Variants in INSYN2A observed in about 807,000 individuals in gnomAD.
INSYN2A encodes the protein inhibitory synaptic factor 2A.
A neutral mutation model predicts 39.4 loss-of-function variants in INSYN2A; 17 were observed. The ratio of observed to expected loss-of-function variants is 0.43; its 90% CI spans 0.30 to 0.65. The LOEUF (loss-of-function observed/expected upper bound fraction) is 0.65. Among genes scored for constraint, INSYN2A ranks in the 30% least tolerant of loss-of-function variants. The probability of loss-of-function intolerance (pLI) is 0.14; values close to 1 mark genes in which losing one functional copy is unlikely to be tolerated. For missense variants in INSYN2A, 595 were observed against 631.2 expected (o/e 0.94, Z 0.61); for synonymous variants, 255 against 265.7 (o/e 0.96, Z 0.39).
chr10:127,137,652 A>C lies in INSYN2A; in HGVS notation c.*185T>G, dbSNP rs1043279702. The C allele has an allele frequency of 2.0e-6, 1 of 505,566 alleles. No homozygotes were observed. The highest frequency in any genetic ancestry group is 1.9e-5 in the African/African-American group (1 of 52,106). 31.3% of individuals were successfully genotyped at this position (505,566 alleles called of 1,614,324 possible). A position where few individuals can be genotyped will look rare whatever the true frequency, so the allele number is the denominator to read the frequency against. ...TGCAAAGAACAGCTGGCAAGGAGTG[A>C]CACAGAATACCTTGCTTCTGTTAAT... On this transcript the variant is annotated 3_prime_UTR_variant, in exon 6 of 6. Transcript: ENST00000522781.
chr10:127,148,483 A>G (rs574118347), intron 5 of INSYN2A, among the ~76,000 whole-genome samples: 1 of 152,346 alleles, frequency 6.6e-6, no homozygotes, highest in South Asian at 2.1e-4. Flanking sequence ...TATTTTCATG[A>G]AAATGTACAC....
chr10:127,168,430 C>T (rs61874029), intron 4 of INSYN2A, among the ~76,000 whole-genome samples: 6,087 of 152,364 alleles, frequency 0.04, 165 homozygotes, highest in Middle Eastern at 0.085. Flanking sequence ...CTCAGCGCTG[C>T]TTTCTCTCTG....
At chr10:127,148,179 G>A (rs1016555912) in intron 5 of INSYN2A, among the ~76,000 whole-genome samples, 9 of 152,102 alleles carry the variant, frequency 5.9e-5, no homozygotes, top group African/African-American at 9.7e-5. Context: ...GCCTTGTGGC[G>A]TTCCCATCCA....
At chr10:127,172,478 C>G (rs2054664258) in intron 4 of INSYN2A, among the ~76,000 whole-genome samples, 1 of 152,184 alleles carries the variant, frequency 6.6e-6, no homozygotes, top group African/African-American at 2.4e-5. Flanking sequence ...CTGCCTGTCT[C>G]TGAGGCTGCA....
At chr10:127,165,165 A>AT (rs1447133792) in intron 4 of INSYN2A, among the ~76,000 whole-genome samples, 2 of 152,112 alleles carry the variant, frequency 1.3e-5, no homozygotes, top group Non-Finnish European at 2.9e-5. Context: ...TAATGTTGTC[A>AT]TTTTTTGCCA....
intron 2 of INSYN2A, among the ~76,000 whole-genome samples, chr10:127,185,831 C>T (rs1199347870): frequency 6.6e-6 from 1 of 152,080 alleles, no homozygotes; most frequent in East Asian, 1.9e-4. Flanking sequence ...CACACACTCA[C>T]AAAAATGAGT....
Position 127,137,569 on chromosome 10 carries a change from C to T in INSYN2A, c.*268G>A. Reference sequence around the variant, plus strand: ...GATCGGGGGTGGGGGAAAATTTTTACTTATCATCTTTGACTACGTAAGTTT... The same window carrying T: ...GATCGGGGGTGGGGGAAAATTTTTATTTATCATCTTTGACTACGTAAGTTT... On this transcript the variant is annotated 3_prime_UTR_variant, in exon 6 of 6. Coordinates refer to ENST00000522781, the MANE Select transcript of INSYN2A (RefSeq NM_001039762.3). The T allele has an allele frequency of 2.9e-6, 1 of 345,044 alleles. No homozygotes were observed. Among genetic ancestry groups the T allele is most frequent in the Non-Finnish European group, 5.2e-6 (1 of 191,528 alleles). 21.4% of individuals were successfully genotyped at this position (345,044 alleles called of 1,614,324 possible).
rs1433587371 is a variant in INSYN2A at position 127,196,265 on chromosome 10, C to T, written c.-663G>A. The T allele has an allele frequency of 6.7e-6, 1 of 148,732 alleles. No homozygotes were observed. The highest frequency in any genetic ancestry group is 2.4e-5 in the African/African-American group (1 of 40,960). The allele number at this position is 148,732 out of a possible 1,614,324, so 9.2% of individuals were successfully genotyped here. A position where few individuals can be genotyped will look rare whatever the true frequency, so the allele number is the denominator to read the frequency against. On this transcript the variant is annotated 5_prime_UTR_variant, in exon 1 of 6. Coordinates refer to ENST00000522781, the MANE Select transcript of INSYN2A (RefSeq NM_001039762.3). The stretch of plus-strand genomic sequence containing the variant: ...TCGCGTCGCTCGCGTCCCTCCGGCC[C>T]CGCTTAGCGACGCGCGCGGGGAGGC...
chr10:127,162,829 G>A (rs2053704287), intron 4 of INSYN2A, among the ~76,000 whole-genome samples: 1 of 152,218 alleles, frequency 6.6e-6, no homozygotes, highest in South Asian at 2.1e-4. Context: ...TGCATGGCCT[G>A]TGCTGGGGAA....
intron 4 of INSYN2A, among the ~76,000 whole-genome samples, chr10:127,162,972 C>T (rs1191672745): frequency 1.1e-4 from 17 of 152,316 alleles, no homozygotes; most frequent in Admixed American, 9.8e-4. Flanking sequence ...AGTAGCACTC[C>T]TTCCATGGGA....
chr10:127,151,146 C>T (rs1457257156), intron 5 of INSYN2A, among the ~76,000 whole-genome samples: 2 of 152,170 alleles, frequency 1.3e-5, no homozygotes, highest in Non-Finnish European at 2.9e-5. Context: ...AACATAATAA[C>T]CACCTTAAGA....
chr10:127,196,365 G>T lies in INSYN2A; in HGVS notation c.-763C>A, dbSNP rs561857929. On this transcript the variant is annotated 5_prime_UTR_variant, in exon 1 of 6. Transcript: ENST00000522781. The stretch of plus-strand genomic sequence containing the variant: ...GCGGCGGAGCCAGCCACAGCCACCC[G>T]GCTTCGCGCTCCTCCGATGTCCTCA... 4.0e-4 allele frequency among the ~76,000 whole-genome samples: 59 copies of T among 148,816 alleles called. 1 individual carries two copies. The South Asian group carries it at 0.012, about 30-fold the overall frequency.
chr10:127,153,595 G>A (rs1237592698), intron 5 of INSYN2A, among the ~76,000 whole-genome samples: 6 of 152,180 alleles, frequency 3.9e-5, no homozygotes, highest in Non-Finnish European at 5.9e-5. Context: ...AAGGGAGCAA[G>A]CCATCAAACT....
chr10:127,159,667 C>T (rs753941358), intron 4 of INSYN2A, among the ~76,000 whole-genome samples: 25 of 152,200 alleles, frequency 1.6e-4, no homozygotes, highest in Non-Finnish European at 2.9e-4. Flanking sequence ...TTGGGGTATA[C>T]GTGTTTTCAG....
chr10:127,138,932 G>A (rs1175735097), intron 5 of INSYN2A, among the ~76,000 whole-genome samples: 12 of 152,150 alleles, frequency 7.9e-5, no homozygotes, highest in Admixed American at 7.9e-4. Flanking sequence ...GGTCTGCTTG[G>A]CAGCTGGGAT....
rs139929577 is a variant in INSYN2A, at chr10:127,194,536, G to A, written c.-395+1461C>T. Among the ~76,000 whole-genome samples the A allele has an allele frequency of 4.2e-3, 647 of 152,304 alleles. 6 individuals carry two copies. Among genetic ancestry groups the A allele is most frequent in the African/African-American group, 0.015 (616 of 41,564 alleles). ...TTCCGCCTCTGCATAGTGAAATGAC[G>A]GTAACTTGCTGTAGCGTAAGCTTAA... On this transcript the variant is annotated intron_variant, in intron 1 of 5. Transcript: ENST00000522781.
At chr10:127,170,270 C>T (rs1024145799) in intron 4 of INSYN2A, among the ~76,000 whole-genome samples, 6 of 152,062 alleles carry the variant, frequency 3.9e-5, no homozygotes. Context: ...GTCACAAAGC[C>T]CCGAAGCCTC....
At position 127,176,881 on chromosome 10, in the gene INSYN2A, G is replaced by A. The variant is rs1305679060; in HGVS notation, c.-10C>T. 6.5e-6 allele frequency: 1 copy of A among 154,172 alleles called. No individual in the cohort carries two copies. The highest frequency in any genetic ancestry group is 1.4e-5 in the Non-Finnish European group (1 of 69,494). The allele number at this position is 154,172 out of a possible 1,614,324, so 9.6% of individuals were successfully genotyped here. A position where few individuals can be genotyped will look rare whatever the true frequency, so the allele number is the denominator to read the frequency against. On this transcript the variant is annotated 5_prime_UTR_variant, in exon 3 of 6. Coordinates refer to ENST00000522781, the MANE Select transcript of INSYN2A (RefSeq NM_001039762.3). The surrounding 1 kb of genome is among the most constrained non-coding windows in gnomAD (Gnocchi z 4.4). ...GCTGCTGTTTTAAAGACTTACTGGAGCTGCCACGTCTCGAGCAGATAAATG... is the reference window on the plus strand; with the variant it reads ...GCTGCTGTTTTAAAGACTTACTGGAACTGCCACGTCTCGAGCAGATAAATG...
At chr10:127,144,678 A>G (rs1019580197) in intron 5 of INSYN2A, among the ~76,000 whole-genome samples, 2 of 152,224 alleles carry the variant, frequency 1.3e-5, no homozygotes, top group Non-Finnish European at 2.9e-5. Context: ...TACCTACATT[A>G]AATATATATG....
Sources: gnomAD v4.1 joint callset for allele counts (sites outside exome capture counted in the v4.1 genomes callset) on GRCh38, gnomAD v4.1.1 for gene constraint, Gnocchi (gnomAD v3.1) non-coding constraint, MANE v1.5 for transcripts, NCBI Gene and HGNC (gene_info 2026-07-23, HGNC 2026-07-21) for gene names.